Variants in CCDC30 observed in about 807,000 individuals in gnomAD.
CCDC30 encodes the protein coiled-coil domain-containing protein 30.
CCDC30 carries 70 observed loss-of-function variants against 100.2 expected under a neutral mutation model. The observed-to-expected ratio is 0.70, with a 90% CI of 0.58 to 0.85. The LOEUF (loss-of-function observed/expected upper bound fraction) is 0.85. CCDC30 is among the 40% of genes least tolerant of loss of function. The pLI is 0.00. For synonymous variants in CCDC30, 233 were observed against 269.5 expected (o/e 0.86, Z 1.33); for missense variants, 652 against 771.2 (o/e 0.85, Z 1.83).
upstream of CCDC30, chr1:42,459,704 T>G (rs1269078313): frequency 1.2e-6 from 2 of 1,614,178 alleles, no homozygotes; most frequent in East Asian, 4.5e-5. Flanking sequence ...ACCCCGCCAT[T>G]GTAATTAATC....
chr1:42,626,236 A>G (rs1472100690), intron 11 of CCDC30, among the ~76,000 whole-genome samples: 1 of 151,554 alleles, frequency 6.6e-6, no homozygotes, highest in African/African-American at 2.4e-5. Context: ...TTTCCAGTCT[A>G]TTTGTATCTT....
At chr1:42,628,676 C>T (rs887053403) in intron 11 of CCDC30, among the ~76,000 whole-genome samples, 22 of 152,086 alleles carry the variant, frequency 1.4e-4, no homozygotes, top group African/African-American at 5.3e-4. Context: ...CTGCTTTTGC[C>T]TCTTCCCCAT....
Position 42,473,597 on chromosome 1 carries a change from T to C in CCDC30, c.-91-6864T>C, listed in dbSNP as rs1643836253. On this transcript the variant is annotated intron_variant, in intron 1 of 16. Transcript: ENST00000668663. Reference sequence around the variant, plus strand: ...ATCCTTCTCTCAGGAGCTGACCTTCTAGGTGACTCTTTTTTTTGAAGGCTT... The same window carrying C: ...ATCCTTCTCTCAGGAGCTGACCTTCCAGGTGACTCTTTTTTTTGAAGGCTT... 7 of 287,864 alleles carry C rather than the reference T, an allele frequency of 2.4e-5. No homozygotes were observed. In the East Asian group the frequency reaches 3.9e-4, roughly 16 times the overall value. 17.8% of individuals were successfully genotyped at this position (287,864 alleles called of 1,614,324 possible).
chr1:42,630,258 A>G (rs1647012270), intron 11 of CCDC30, among the ~76,000 whole-genome samples: 2 of 152,154 alleles, frequency 1.3e-5, no homozygotes, highest in African/African-American at 4.8e-5. Flanking sequence ...TACAGGCGTG[A>G]GCCACTGTTC....
At chr1:42,604,951 C>T (rs1255153735) in intron 10 of CCDC30, among the ~76,000 whole-genome samples, 1 of 152,146 alleles carries the variant, frequency 6.6e-6, no homozygotes, top group Non-Finnish European at 1.5e-5. Context: ...TATTTACTTA[C>T]TTCTTTGTTT....
chr1:42,588,727 C>A (rs1646125839), intron 9 of CCDC30, among the ~76,000 whole-genome samples: 1 of 152,134 alleles, frequency 6.6e-6, no homozygotes, highest in South Asian at 2.1e-4. Context: ...TAAGTCCAGT[C>A]TTCACGCAGA....
intron 11 of CCDC30, among the ~76,000 whole-genome samples, chr1:42,622,055 C>T (rs190575189): frequency 4.6e-5 from 7 of 152,264 alleles, no homozygotes; most frequent in South Asian, 2.1e-4. Context: ...TATAGTCATA[C>T]GCATTAACCA....
intron 9 of CCDC30, among the ~76,000 whole-genome samples, chr1:42,585,884 A>G (rs1355625671): frequency 6.6e-6 from 1 of 152,054 alleles, no homozygotes; most frequent in Admixed American, 6.6e-5. Flanking sequence ...CAGTTTAAAC[A>G]GTTGTATGAC....
At chr1:42,544,094 T>G (rs1645072773) in intron 6 of CCDC30, among the ~76,000 whole-genome samples, 1 of 152,316 alleles carries the variant, frequency 6.6e-6, no homozygotes, top group Non-Finnish European at 1.5e-5. Flanking sequence ...GGTCTTGCTA[T>G]GTTGCTTAGG....
intron 4 of CCDC30, among the ~76,000 whole-genome samples, chr1:42,493,514 G>C (rs1644179741): frequency 6.6e-6 from 1 of 152,106 alleles, no homozygotes; most frequent in South Asian, 2.1e-4. Flanking sequence ...TCGAACCTGG[G>C]AGGCAGAGGT....
chr1:42,500,622 C>T (rs888262388), intron 6 of CCDC30, among the ~76,000 whole-genome samples: 36 of 152,204 alleles, frequency 2.4e-4, no homozygotes, highest in Admixed American at 1.8e-3. Context: ...ACCGTGTTAG[C>T]CAGGATGGTC....
rs761651439 is a variant in CCDC30, at chr1:42,499,483, TA to T, written c.456+568del. On this transcript the variant is annotated intron_variant, in intron 6 of 16. Transcript: ENST00000668663. Reference sequence around the variant, plus strand: ...AAAATTTATTTTATTTTTATTATTATATTTTTTTTAGAGATAGGTTTTCACT... The same window carrying T: ...AAAATTTATTTTATTTTTATTATTATTTTTTTTTAGAGATAGGTTTTCACT... Among the ~76,000 whole-genome samples the T allele has an allele frequency of 2.1e-4, 32 of 152,130 alleles. No individual in the cohort carries two copies. The East Asian group carries it at 2.7e-3, about 13-fold the overall frequency.
chr1:42,601,951 G>A (rs1345124544), intron 10 of CCDC30, among the ~76,000 whole-genome samples: 1 of 152,096 alleles, frequency 6.6e-6, no homozygotes, highest in African/African-American at 2.4e-5. Flanking sequence ...AAGAAATTCA[G>A]AAATTCATCA....
intron 6 of CCDC30, among the ~76,000 whole-genome samples, chr1:42,559,489 C>T (rs1645441637): frequency 6.6e-6 from 1 of 152,090 alleles, no homozygotes; most frequent in Non-Finnish European, 1.5e-5. Flanking sequence ...GCAGGGGTTG[C>T]AATCCTAGTC....
rs1463933912 is a variant in CCDC30, at chr1:42,596,969, GT to G, written c.1164+7491del. On this transcript the variant is annotated intron_variant, in intron 10 of 16. Transcript: ENST00000668663. This position sits in a 1 kb window ranked among gnomAD's most constrained non-coding sequence, Gnocchi z 4.3. ...AACCACATAGAAATTCCGTTACAGTGTTTTTGATTTTTAAGTAAAGATCAAA... is the reference window on the plus strand; with the variant it reads ...AACCACATAGAAATTCCGTTACAGTGTTTTGATTTTTAAGTAAAGATCAAA... Among the ~76,000 whole-genome samples the G allele has an allele frequency of 6.6e-6, 1 of 152,062 alleles. No individual in the cohort carries two copies. The highest frequency in any genetic ancestry group is 1.5e-5 in the Non-Finnish European group (1 of 68,006).
intron 12 of CCDC30, among the ~76,000 whole-genome samples, chr1:42,641,196 T>C (rs1041415343): frequency 3.3e-5 from 5 of 150,962 alleles, no homozygotes; most frequent in Admixed American, 2.0e-4. Context: ...ATTGCAGCCT[T>C]GAACTCCACA....
rs185918794 is a variant in CCDC30, at chr1:42,643,529, G to C, written c.1556+920G>C. 2.0e-5 allele frequency among the ~76,000 whole-genome samples: 3 copies of C among 152,292 alleles called. No individual in the cohort carries two copies. In the East Asian group the frequency reaches 5.8e-4, roughly 29 times the overall value. On this transcript the variant is annotated intron_variant, in intron 13 of 16. Coordinates refer to ENST00000668663, the Ensembl canonical transcript of CCDC30. ...TCTCAAACTGTCATAGCTTCTGACA[G>C]TCAGGATCCAACACAATTAACTCAT...
chr1:42,635,139 T>C (rs917577085), intron 11 of CCDC30, among the ~76,000 whole-genome samples: 3 of 152,160 alleles, frequency 2.0e-5, no homozygotes, highest in Admixed American at 1.3e-4. Flanking sequence ...CACTGCAACC[T>C]CCGCCTCCTG....
chr1:42,636,115 A>G (rs1383011567), intron 11 of CCDC30, among the ~76,000 whole-genome samples: 1 of 151,910 alleles, frequency 6.6e-6, no homozygotes, highest in African/African-American at 2.4e-5. Flanking sequence ...AGTGACCTAT[A>G]TGGAACTGGC....
Sources: gnomAD v4.1 joint callset for allele counts (sites outside exome capture counted in the v4.1 genomes callset) on GRCh38, gnomAD v4.1.1 for gene constraint, Gnocchi (gnomAD v3.1) non-coding constraint, MANE v1.5 for transcripts, NCBI Gene and HGNC (gene_info 2026-07-23, HGNC 2026-07-21) for gene names.